CWC22: variants seen among roughly 807,000 people sequenced by gnomAD.
CWC22 encodes the protein pre-mRNA-splicing factor CWC22 homolog.
In CWC22, 53 loss-of-function variants were observed where a neutral mutation model predicts 117.2. The observed-to-expected ratio is 0.45, with a 90% CI of 0.36 to 0.57. The LOEUF (loss-of-function observed/expected upper bound fraction) is 0.57. Among genes scored for constraint, CWC22 ranks in the 20% least tolerant of loss-of-function variants. CWC22 has a pLI of 0.00. For synonymous variants in CWC22, 360 were observed against 355.6 expected (o/e 1.01, Z -0.14); for missense variants, 980 against 1,068.8 (o/e 0.92, Z 1.16).
chr2:179,984,122 T>C (rs957227629), intron 4 of CWC22, among the ~76,000 whole-genome samples: 2 of 152,118 alleles, frequency 1.3e-5, no homozygotes, highest in East Asian at 1.9e-4. Flanking sequence ...AGACCTAACA[T>C]AGAGTTATAC....
chr2:179,974,563 G>T (rs1687112062), intron 6 of CWC22, among the ~76,000 whole-genome samples: 1 of 152,202 alleles, frequency 6.6e-6, no homozygotes. Flanking sequence ...TGAATCACTA[G>T]AGTGGAAAAT....
chr2:179,970,598 A>G (rs1687007801), intron 10 of CWC22, 35 bp from the exon 11 acceptor site: 2 of 1,565,254 alleles, frequency 1.3e-6, no homozygotes, highest in Non-Finnish European at 1.7e-6. Context: ...TTTATTTTCT[A>G]TATTTACATT....
In CWC22 at chr2:179,973,198, T is replaced by C; in HGVS notation, c.799A>G (p.Asn267Asp). Residue 267 changes from asparagine (N) to aspartate (D), a missense_variant, in exon 8 of 20, where the codon AAT becomes GAT. This residue lies in a region of CWC22 where 559 missense variants were observed against 602.3 expected (regional missense o/e 0.93). Coordinates refer to ENST00000410053, the MANE Select transcript of CWC22 (RefSeq NM_020943.3). ...TATTGAAGATAATTACTTACCACAT[T>C]TTGGTTAATAAGATGCGCCACAAAT... is the stretch of plus-strand genomic sequence containing the variant. ...SKFVAHLINQNVAHEVLCLEM... is the reference protein window; with the variant it reads ...SKFVAHLINQDVAHEVLCLEM... The C allele has an allele frequency of 6.3e-7, 1 of 1,597,646 alleles. No individual in the cohort carries two copies. The highest frequency in any genetic ancestry group is 8.5e-7 in the Non-Finnish European group (1 of 1,170,740).
At chr2:179,990,698 C>T (rs1309287072) in intron 2 of CWC22, among the ~76,000 whole-genome samples, 4 of 152,102 alleles carry the variant, frequency 2.6e-5, no homozygotes, top group African/African-American at 7.2e-5. Context: ...AAGGAGAAGG[C>T]CCCAATTCTG....
At chr2:179,951,539 T>C (rs1686448200) in intron 17 of CWC22, among the ~76,000 whole-genome samples, 1 of 152,008 alleles carries the variant, frequency 6.6e-6, no homozygotes, top group Admixed American at 6.6e-5. Context: ...AAAGGTACAA[T>C]ATAAGAAGAA....
At chr2:179,956,499 T>C (rs563549448) in intron 14 of CWC22, among the ~76,000 whole-genome samples, 2 of 151,578 alleles carry the variant, frequency 1.3e-5, no homozygotes, top group South Asian at 4.2e-4. Flanking sequence ...TAGATACTGA[T>C]ACTCAAGGAA....
chr2:179,948,857 G>A (rs1264639666), intron 19 of CWC22, among the ~76,000 whole-genome samples: 2 of 152,102 alleles, frequency 1.3e-5, no homozygotes, highest in Non-Finnish European at 2.9e-5. Context: ...TGGTAAAACT[G>A]GTTTTCAAAT....
chr2:179,999,280 C>T (rs181394943), intron 1 of CWC22, among the ~76,000 whole-genome samples: 1 of 152,134 alleles, frequency 6.6e-6, no homozygotes, highest in Non-Finnish European at 1.5e-5. Flanking sequence ...TTATAGCACT[C>T]TCTGCTCTTC....
At chr2:179,990,915 T>C (rs1367270903) in intron 2 of CWC22, among the ~76,000 whole-genome samples, 1 of 152,180 alleles carries the variant, frequency 6.6e-6, no homozygotes, top group Non-Finnish European at 1.5e-5. Context: ...AAACGGGGAC[T>C]TGAATTTGGC....
intron 1 of CWC22, among the ~76,000 whole-genome samples, chr2:180,003,670 A>T (rs1687899501): frequency 1.3e-5 from 2 of 152,156 alleles, no homozygotes; most frequent in Admixed American, 6.5e-5. Context: ...CTATTTCAGG[A>T]AGGACTCACA....
intron 19 of CWC22, among the ~76,000 whole-genome samples, chr2:179,950,285 T>C (rs1686410943): frequency 6.6e-6 from 1 of 152,192 alleles, no homozygotes; most frequent in South Asian, 2.1e-4. Flanking sequence ...TATCTGCGAA[T>C]GAAATATTTT....
chr2:179,992,416 T>C (rs1687589757), intron 2 of CWC22, among the ~76,000 whole-genome samples: 1 of 152,180 alleles, frequency 6.6e-6, no homozygotes, highest in Non-Finnish European at 1.5e-5. Flanking sequence ...AGGCACACTC[T>C]TTCCCCAGAT....
rs748379541 is a variant in CWC22, at chr2:179,981,737, T to C, written c.452+15A>G. On this transcript the variant is annotated intron_variant, in intron 5 of 19. Transcript: ENST00000410053. ...ACAATTTCATGGCTTTGTATACTGA[T>C]TGATATAAACATGCCTGTTTTTATC... The C allele has an allele frequency of 6.2e-7, 1 of 1,600,340 alleles. No homozygotes were observed. Among genetic ancestry groups the C allele is most frequent in the South Asian group, 1.1e-5 (1 of 90,722 alleles).
intron 3 of CWC22, among the ~76,000 whole-genome samples, chr2:179,987,791 T>C (rs1687458271): frequency 1.3e-5 from 2 of 152,232 alleles, no homozygotes; most frequent in South Asian, 4.1e-4. Context: ...AATGAAATAA[T>C]TGTAGTGCTA....
intron 17 of CWC22, among the ~76,000 whole-genome samples, 185 bp from the exon 18 acceptor site, chr2:179,951,111 T>C (rs1390057560): frequency 1.3e-5 from 2 of 152,066 alleles, no homozygotes; most frequent in Non-Finnish European, 2.9e-5. Context: ...GGTCAAGTAA[T>C]AATGTACCAA....
chr2:179,997,690 C>G (rs184739962), intron 1 of CWC22, among the ~76,000 whole-genome samples: 1 of 152,160 alleles, frequency 6.6e-6, no homozygotes, highest in Non-Finnish European at 1.5e-5. Flanking sequence ...GTTATTTATA[C>G]GTACATTTGT....
At chr2:179,970,384 T>TCC in intron 11 of CWC22, 117 bp downstream of exon 11, 1 of 1,094,318 alleles carries the variant, frequency 9.1e-7, no homozygotes, top group Non-Finnish European at 1.3e-6. Flanking sequence ...GAGAATAACT[T>TCC]TATAAGAGCA....
At chr2:179,997,200 C>T (rs530356795) in intron 1 of CWC22, among the ~76,000 whole-genome samples, 3 of 129,890 alleles carry the variant, frequency 2.3e-5, no homozygotes, top group Admixed American at 7.7e-5. Context: ...ATAGAACTAG[C>T]GACCAAAATG....
intron 1 of CWC22, among the ~76,000 whole-genome samples, chr2:179,997,376 T>C (rs1687732299): frequency 6.6e-6 from 1 of 152,042 alleles, no homozygotes; most frequent in African/African-American, 2.4e-5. Flanking sequence ...AAATAGAATT[T>C]TAAAAAATAT....
Sources: gnomAD v4.1 joint callset for allele counts (sites outside exome capture counted in the v4.1 genomes callset) on GRCh38, gnomAD v4.1.1 for gene constraint, gnomAD v4.1.1 regional missense constraint, MANE v1.5 for transcripts, NCBI Gene and HGNC (gene_info 2026-07-23, HGNC 2026-07-21) for gene names.